Variants in VMP1 observed in about 807,000 individuals in gnomAD.
The protein encoded by VMP1 is ectopic P-granules autophagy protein 3 homolog.
A neutral mutation model predicts 56.0 loss-of-function variants in VMP1; 11 were observed. The ratio of observed to expected loss-of-function variants is 0.20; its 90% CI spans 0.12 to 0.32. VMP1 has a LOEUF of 0.32. Ranked by LOEUF, VMP1 falls within the 10% of genes least tolerant of loss-of-function variation. The pLI, the probability that VMP1 is intolerant of heterozygous loss-of-function variation, is 1.00. For missense variants in VMP1, 296 were observed against 490.3 expected, an observed-to-expected ratio of 0.60 and a Z score of 3.74; for synonymous variants, 149 against 165.0, an observed-to-expected ratio of 0.90 and a Z score of 0.74.
intron 6 of VMP1, among the ~76,000 whole-genome samples, chr17:59,766,138 C>T (rs1391969726): frequency 1.3e-5 from 2 of 151,990 alleles, no homozygotes; most frequent in East Asian, 3.8e-4. Context: ...TGCAATGGCG[C>T]CATCTCGGCT....
At chr17:59,829,394 C>G (rs987901958) in intron 10 of VMP1, among the ~76,000 whole-genome samples, 1 of 152,104 alleles carries the variant, frequency 6.6e-6, no homozygotes, top group Admixed American at 6.6e-5. Flanking sequence ...GTCTACCTTA[C>G]TAGGAAAGGC....
At chr17:59,754,974 A>G (rs1281894584) in intron 5 of VMP1, among the ~76,000 whole-genome samples, 2 of 8,838 alleles carry the variant, frequency 2.3e-4, no homozygotes, top group African/African-American at 7.9e-4. Flanking sequence ...AACAATTTAT[A>G]CTAGCCCCCC....
intron 2 of VMP1, among the ~76,000 whole-genome samples, chr17:59,732,768 T>G (rs901178326): frequency 6.6e-6 from 1 of 152,216 alleles, no homozygotes. Context: ...CTTCCTCTTC[T>G]GCTCACCCCA....
chr17:59,739,723 CAAAAAAAA>C (rs35210425), intron 5 of VMP1, among the ~76,000 whole-genome samples: 4 of 41,558 alleles, frequency 9.6e-5, no homozygotes, highest in African/African-American at 3.0e-4. Flanking sequence ...GACTCTGTCT[CAAAAAAAA>C]AAAAAAAAAA....
chr17:59,713,620 G>T (rs1294359457), intron 1 of VMP1, among the ~76,000 whole-genome samples: 2 of 151,326 alleles, frequency 1.3e-5, no homozygotes, highest in African/African-American at 2.4e-5. Flanking sequence ...GGCTGAGGTG[G>T]GTGGATCGCT....
intron 7 of VMP1, among the ~76,000 whole-genome samples, chr17:59,800,397 G>T (rs1228265351): frequency 6.6e-6 from 1 of 152,002 alleles, no homozygotes; most frequent in Admixed American, 6.6e-5. Flanking sequence ...TCATTGCTTG[G>T]CGTGCATATT....
At chr17:59,708,982 C>A (rs1436132491) in intron 1 of VMP1, among the ~76,000 whole-genome samples, 1 of 152,140 alleles carries the variant, frequency 6.6e-6, no homozygotes, top group African/African-American at 2.4e-5. Flanking sequence ...GGGATATATC[C>A]TACTTGATTA....
chr17:59,841,094 A>G lies in VMP1; in HGVS notation c.*1183A>G, dbSNP rs1263857759. The G allele has an allele frequency of 5.7e-6, 1 of 176,414 alleles. No homozygotes were observed. The highest frequency in any genetic ancestry group is 6.0e-5 in the Admixed American group (1 of 16,564). The allele number at this position is 176,414 out of a possible 1,614,324, so 10.9% of individuals were successfully genotyped here. ...ATAAACAATTTTACTTTTTTCCTTT[A>G]GGAGCATTATGAGCATTATGTCAGA... On this transcript the variant is annotated 3_prime_UTR_variant, in exon 12 of 12. Coordinates refer to ENST00000262291, the MANE Select transcript of VMP1 (RefSeq NM_030938.5).
intron 7 of VMP1, among the ~76,000 whole-genome samples, chr17:59,787,745 A>G (rs764173614): frequency 6.6e-6 from 1 of 152,016 alleles, no homozygotes; most frequent in Non-Finnish European, 1.5e-5. Context: ...TGCTTGAACC[A>G]GGGAGGCAGA....
intron 5 of VMP1, among the ~76,000 whole-genome samples, chr17:59,763,461 A>G (rs1294004875): frequency 1.3e-5 from 2 of 152,132 alleles, no homozygotes; most frequent in African/African-American, 2.4e-5. Context: ...AAGAGGAACA[A>G]AGGCTAAAAC....
At chr17:59,779,342 C>T (rs2036739170) in intron 7 of VMP1, among the ~76,000 whole-genome samples, 1 of 152,166 alleles carries the variant, frequency 6.6e-6, no homozygotes, top group Non-Finnish European at 1.5e-5. Flanking sequence ...CTATGTCTCC[C>T]ACTGATATGG....
At chr17:59,764,932 A>G (rs765923834) in intron 5 of VMP1, 39 bp from the exon 6 acceptor site, 1 of 1,427,488 alleles carries the variant, frequency 7.0e-7, no homozygotes, top group Non-Finnish European at 9.3e-7. Context: ...ATAATTTTTT[A>G]ATAGTTCTTA....
intron 6 of VMP1, among the ~76,000 whole-genome samples, chr17:59,770,586 CTT>C (rs532416792): frequency 6.9e-6 from 1 of 144,570 alleles, no homozygotes. Flanking sequence ...ACGTTTATTT[CTT>C]TTTTTTTTTT....
In VMP1 at chr17:59,841,564, GTTA is replaced by G; in HGVS notation, c.*1658_*1660del. ...AAGCTGCATTGTGGGTTTTGAAAAG[GTTA>G]TTATACTTCTTAACAATTCTTTTTT... is the stretch of plus-strand genomic sequence containing the variant. On this transcript the variant is annotated 3_prime_UTR_variant, in exon 12 of 12. Transcript: ENST00000262291. 5.3e-6 allele frequency: 1 copy of G among 189,122 alleles called. No homozygotes were observed. The allele number at this position is 189,122 out of a possible 1,614,324, so 11.7% of individuals were successfully genotyped here.
chr17:59,730,501 G>C (rs2143797739), intron 1 of VMP1, among the ~76,000 whole-genome samples: 1 of 152,162 alleles, frequency 6.6e-6, no homozygotes, highest in African/African-American at 2.4e-5. Flanking sequence ...CTGACCTCAA[G>C]TGATCATCCT....
chr17:59,760,899 G>A (rs566313691), intron 5 of VMP1, among the ~76,000 whole-genome samples: 7 of 151,904 alleles, frequency 4.6e-5, no homozygotes, highest in Admixed American at 6.6e-5. Context: ...GATTACAGGC[G>A]TGAGCCACCA....
At position 59,755,202 on chromosome 17, in the gene VMP1, C is replaced by T. The variant is rs142029204; in HGVS notation, c.415-9769C>T. Among the ~76,000 whole-genome samples, 44 of 151,704 alleles carry T rather than the reference C, an allele frequency of 2.9e-4. No individual in the cohort carries two copies. The East Asian group carries it at 7.6e-3, about 26-fold the overall frequency. ...GGCTCACGGCAAACTCCATCTCCCA[C>T]GTTCAAGCGATTCTCCTGCCTCACC... On this transcript the variant is annotated intron_variant, in intron 5 of 11. Transcript: ENST00000262291.
Position 59,737,509 on chromosome 17 carries a change from T to C in VMP1, c.269T>C (p.Ile90Thr). 2 of 1,611,998 alleles carry C rather than the reference T, an allele frequency of 1.2e-6. No homozygotes were observed. The highest frequency in any genetic ancestry group is 1.7e-6 in the Non-Finnish European group (2 of 1,179,118). The change falls in exon 4 of 12, where the codon ATA (isoleucine) becomes ACA (threonine). Residue 90 changes from isoleucine (I) to threonine (T), a missense_variant. By Grantham distance (89) the Ile-to-Thr change is moderately conservative. Coordinates refer to ENST00000262291, the MANE Select transcript of VMP1 (RefSeq NM_030938.5). ...TTTTTACTGCTGCTTGCTGTGCTTATAGCTACGTATTATGTTGAAGGAGTG... is the reference window on the plus strand; with the variant it reads ...TTTTTACTGCTGCTTGCTGTGCTTACAGCTACGTATTATGTTGAAGGAGTG... ...VSFLLLLAVL[I>T]ATYYVEGVHQ...
In VMP1 at chr17:59,821,397, G is replaced by A. The variant is rs1034955905; in HGVS notation, c.974+3624G>A. Among the ~76,000 whole-genome samples, 3 of 152,158 alleles carry A rather than the reference G, an allele frequency of 2.0e-5. No homozygotes were observed. In the East Asian group the frequency reaches 5.8e-4, roughly 29 times the overall value. On this transcript the variant is annotated intron_variant, in intron 10 of 11. Transcript: ENST00000262291. The stretch of plus-strand genomic sequence containing the variant: ...AATATAGTTATGCTAAAATATTCAA[G>A]ACCTACTGGATTCAGATTTGTATTG...
Sources: allele counts gnomAD v4.1 joint callset (sites outside exome capture counted in the v4.1 genomes callset), GRCh38; gene constraint gnomAD v4.1.1; transcripts MANE v1.5; gene names NCBI Gene and HGNC (gene_info 2026-07-23, HGNC 2026-07-21).